Variants in CFAP92 observed in about 807,000 individuals in gnomAD.
The protein encoded by CFAP92 is uncharacterized protein CFAP92.
A neutral mutation model predicts 106.3 loss-of-function variants in CFAP92; 86 were observed. The observed-to-expected ratio is 0.81, with a 90% CI of 0.68 to 0.97. The LOEUF (loss-of-function observed/expected upper bound fraction) is 0.97, where lower values mean the gene tolerates loss of function less well. Ranked by LOEUF, CFAP92 falls within the 50% of genes least tolerant of loss-of-function variation. The pLI, the probability that CFAP92 is intolerant of heterozygous loss-of-function variation, is 0.00. For missense variants in CFAP92, 1,204 were observed against 1,283.8 expected (o/e 0.94, Z 0.95); for synonymous variants, 477 against 506.4 (o/e 0.94, Z 0.78).
chr3:128,923,936 T>C (rs1576397750), intron 12 of CFAP92, among the ~76,000 whole-genome samples: 1 of 152,216 alleles, frequency 6.6e-6, no homozygotes, highest in Non-Finnish European at 1.5e-5. Context: ...TTGTCCACAA[T>C]CAATCCTCTT....
At chr3:128,996,459 C>G (rs1944483655), upstream of CFAP92, among the ~76,000 whole-genome samples, 1 of 152,138 alleles carries the variant, frequency 6.6e-6, no homozygotes, top group Non-Finnish European at 1.5e-5. Flanking sequence ...GAGATGGTGT[C>G]TGGGTCAAGA....
At chr3:128,920,430 A>G (rs538457970) in intron 12 of CFAP92, among the ~76,000 whole-genome samples, 1 of 152,344 alleles carries the variant, frequency 6.6e-6, no homozygotes, top group African/African-American at 2.4e-5. Context: ...AATAATTATG[A>G]TTAATCAAAA....
intron 10 of CFAP92, among the ~76,000 whole-genome samples, chr3:128,944,442 A>G (rs1939999636): frequency 6.6e-6 from 1 of 152,006 alleles, no homozygotes. Context: ...GGGACTCCCC[A>G]CTGCATCCAA....
At chr3:129,012,297 G>A in the CFAP92 span, among the ~76,000 whole-genome samples, 2 of 152,188 alleles carry the variant, frequency 1.3e-5, no homozygotes, top group East Asian at 3.9e-4. Context: ...AATGATGCCT[G>A]GCACATAATA....
At chr3:128,933,567 C>T (rs1938645496) in intron 11 of CFAP92, among the ~76,000 whole-genome samples, 1 of 152,230 alleles carries the variant, frequency 6.6e-6, no homozygotes, top group South Asian at 2.1e-4. Flanking sequence ...CCTCCGAAGT[C>T]CACTGTGCGG....
chr3:128,910,295 C>A lies in CFAP92; in HGVS notation c.*4G>T. The A allele has an allele frequency of 6.6e-7, 1 of 1,507,384 alleles. No homozygotes were observed. The highest frequency in any genetic ancestry group is 1.3e-5 in the South Asian group (1 of 78,578). The allele number at this position is 1,507,384 out of a possible 1,614,324, so 93.4% of individuals were successfully genotyped here. On this transcript the variant is annotated 3_prime_UTR_variant, in exon 16 of 16. Coordinates refer to ENST00000645291, the MANE Select transcript of CFAP92 (RefSeq NM_001394090.1). Reference sequence around the variant, plus strand: ...TGCGGTGGCCGTGGGAGGGTCTGTGCTGCTCAGGAGATGGGGCTGTTCCCT... The same window carrying A: ...TGCGGTGGCCGTGGGAGGGTCTGTGATGCTCAGGAGATGGGGCTGTTCCCT...
the CFAP92 span, among the ~76,000 whole-genome samples, chr3:129,015,267 C>A: frequency 0.011 from 1,696 of 152,240 alleles, 29 homozygotes; most frequent in African/African-American, 0.034. Flanking sequence ...TACTCCTGAC[C>A]AATCCACATT....
At position 129,002,114 on chromosome 3, in the gene CFAP92, C is replaced by T. The variant is rs1202656243; in HGVS notation, n.117+460G>A. 6.1e-6 allele frequency: 9 copies of T among 1,482,676 alleles called. No individual in the cohort carries two copies. In the South Asian group the frequency reaches 6.6e-5, roughly 11 times the overall value. The allele number at this position is 1,482,676 out of a possible 1,614,324, so 91.8% of individuals were successfully genotyped here. A position where few individuals can be genotyped will look rare whatever the true frequency, so the allele number is the denominator to read the frequency against. Reference sequence around the variant, plus strand: ...GCACCCGTGCGGGGCCCCGGCTGCCCCGCGGCGCTCTCAGCGAGCACATCG... The same window carrying T: ...GCACCCGTGCGGGGCCCCGGCTGCCTCGCGGCGCTCTCAGCGAGCACATCG... On this transcript the variant is annotated intron_variant and non_coding_transcript_variant, in intron 1 of 4. Transcript: ENST00000510149.
chr3:128,984,654 T>C (rs1164880059), intron 4 of CFAP92, among the ~76,000 whole-genome samples: 1 of 152,224 alleles, frequency 6.6e-6, no homozygotes, highest in African/African-American at 2.4e-5. Context: ...GGACTTCACC[T>C]TGTGATCATG....
chr3:129,016,183 G>A, the CFAP92 span, among the ~76,000 whole-genome samples: 1 of 152,214 alleles, frequency 6.6e-6, no homozygotes, highest in Admixed American at 6.5e-5. Context: ...AAGTTAACCG[G>A]TCAAACACTA....
Position 128,909,933 on chromosome 3 carries a change from A to C in CFAP92, c.*366T>G. 1 of 1,568,290 alleles carries C rather than the reference A, an allele frequency of 6.4e-7. No homozygotes were observed. The highest frequency in any genetic ancestry group is 8.7e-7 in the Non-Finnish European group (1 of 1,152,240). On this transcript the variant is annotated 3_prime_UTR_variant, in exon 16 of 16. Coordinates refer to ENST00000645291, the MANE Select transcript of CFAP92 (RefSeq NM_001394090.1). ...ACTTTCTCAAGGAACACAGGAGACT[A>C]AGACAGGCAAAGATGCAGCCCAGGG...
chr3:128,993,009 TC>T, intron 2 of CFAP92, 33 bp downstream of exon 2: 1 of 1,609,962 alleles, frequency 6.2e-7, no homozygotes, highest in South Asian at 1.1e-5. Context: ...CCTCCTTTTT[TC>T]AGAGGGTGTT....
chr3:128,947,576 C>T (rs138220417), intron 9 of CFAP92, among the ~76,000 whole-genome samples: 23 of 151,354 alleles, frequency 1.5e-4, no homozygotes, highest in Middle Eastern at 3.4e-3. Flanking sequence ...AAAGAGAAAC[C>T]GGAAACAGAT....
chr3:128,944,006 T>C (rs1939951497), intron 10 of CFAP92, among the ~76,000 whole-genome samples: 2 of 144,552 alleles, frequency 1.4e-5, no homozygotes, highest in East Asian at 2.2e-4. Context: ...ACTGGCTCAC[T>C]GCAACCTCCG....
chr3:128,977,603 T>C (rs1450167036), intron 5 of CFAP92, among the ~76,000 whole-genome samples: 1 of 152,194 alleles, frequency 6.6e-6, no homozygotes, highest in African/African-American at 2.4e-5. Context: ...CTCACACCTA[T>C]AATCTCAGCA....
intron 9 of CFAP92, among the ~76,000 whole-genome samples, chr3:128,950,195 G>A (rs527992031): frequency 1.8e-4 from 28 of 152,226 alleles, no homozygotes; most frequent in Non-Finnish European, 3.2e-4. Context: ...TTCTGTCTGT[G>A]GGCATTCAGA....
In CFAP92 at chr3:128,993,268, C is replaced by A; in HGVS notation, c.37G>T (p.Ala13Ser). ...LHAWEWEEDP[A>S]SIEPISSITS... ...ATGGAGGAGATGGGCTCTATGCTTG[C>A]GGGGTCCTCTTCCCACTCCCAGGCA... Residue 13 changes from alanine to serine, a missense_variant, in exon 2 of 16, where the codon GCA becomes TCA. Transcript: ENST00000645291. 1 of 1,613,814 alleles carries A rather than the reference C, an allele frequency of 6.2e-7. No homozygotes were observed. The highest frequency in any genetic ancestry group is 1.7e-5 in the Admixed American group (1 of 60,012).
chr3:128,956,561 G>T lies in CFAP92; in HGVS notation c.1353+8950C>A, dbSNP rs368591387. Among the ~76,000 whole-genome samples, 20 of 151,942 alleles carry T rather than the reference G, an allele frequency of 1.3e-4. 1 individual carries two copies. The highest frequency in any genetic ancestry group is 4.6e-4 in the Admixed American group (7 of 15,268). ...ATTAATGACAAAGAAAGAAAATCTTGAAAGCTGCAAGAGATAAATGCCACC... is the reference window on the plus strand; with the variant it reads ...ATTAATGACAAAGAAAGAAAATCTTTAAAGCTGCAAGAGATAAATGCCACC... On this transcript the variant is annotated intron_variant, in intron 9 of 15. Coordinates refer to ENST00000645291, the MANE Select transcript of CFAP92 (RefSeq NM_001394090.1).
chr3:128,978,323 T>TC, intron 4 of CFAP92, 138 bp from the exon 5 acceptor site: 1 of 779,118 alleles, frequency 1.3e-6, no homozygotes, highest in Non-Finnish European at 2.0e-6. Context: ...ATAAAGTGAG[T>TC]CATACATTAT....
Sources: allele counts gnomAD v4.1 joint callset (sites outside exome capture counted in the v4.1 genomes callset), GRCh38; gene constraint gnomAD v4.1.1; transcripts MANE v1.5; gene names NCBI Gene and HGNC (gene_info 2026-07-23, HGNC 2026-07-21).